BRCA1: variants seen among roughly 807,000 people sequenced by gnomAD.
The protein encoded by BRCA1 is BRCA1 DNA repair associated.
In BRCA1, 140 loss-of-function variants were observed where a neutral mutation model predicts 173.7. The observed-to-expected ratio is 0.81, with a 90% CI of 0.70 to 0.93. BRCA1 has a LOEUF of 0.93. BRCA1 is among the 40% of genes least tolerant of loss of function. The pLI is 0.00. For missense variants in BRCA1, 1,983 were observed against 2,172.5 expected (o/e 0.91, Z 1.73); for synonymous variants, 662 against 756.0 (o/e 0.88, Z 2.04).
chr17:43,076,182 A>G (rs1371643514), intron 13 of BRCA1, among the ~76,000 whole-genome samples: 7 of 152,116 alleles, frequency 4.6e-5, no homozygotes. Context: ...AATTAGGGCA[A>G]GGGCTGCCTT....
At position 43,124,086 on chromosome 17, in the gene BRCA1, G is replaced by A. The variant is rs786203152; in HGVS notation, c.11C>T (p.Ser4Phe). Residue 4 changes from serine (S) to phenylalanine (F), a missense_variant, in exon 2 of 23, where the codon TCT (serine) becomes TTT (phenylalanine). Coordinates refer to ENST00000357654, the MANE Select transcript of BRCA1 (RefSeq NM_007294.4). ...TTGTACTTCTTCAACGCGAAGAGCAGATAAATCCATTTCTTTCTGTTCCAA... is the reference window on the plus strand; with the variant it reads ...TTGTACTTCTTCAACGCGAAGAGCAAATAAATCCATTTCTTTCTGTTCCAA... MDL[S>F]ALRVEEVQNV... The A allele has an allele frequency of 1.2e-6, 2 of 1,613,058 alleles. No homozygotes were observed. Among genetic ancestry groups the A allele is most frequent in the Non-Finnish European group, 1.7e-6 (2 of 1,179,114 alleles).
rs370673239 is a variant in BRCA1, at chr17:43,085,778, G to A, written c.4186-3203C>T. Among the ~76,000 whole-genome samples the A allele has an allele frequency of 5.3e-5, 8 of 152,116 alleles. No homozygotes were observed. The highest frequency in any genetic ancestry group is 3.8e-4 in the East Asian group (2 of 5,200). On this transcript the variant is annotated intron_variant, in intron 11 of 22. Coordinates refer to ENST00000357654, the MANE Select transcript of BRCA1 (RefSeq NM_007294.4). ...TCCTGAAATGTGCAGCAGAGCAGCC[G>A]GAACTGGTCTGGAGGGAAGCAGAGT...
At chr17:43,074,239 G>A (rs1250437520) in intron 14 of BRCA1, 92 bp downstream of exon 14, 13 of 1,321,182 alleles carry the variant, frequency 9.8e-6, no homozygotes, top group Non-Finnish European at 1.4e-5. Context: ...TGATAGACTA[G>A]TACATCTAAA....
At chr17:43,164,191 C>T (rs537403588) in intron 1 of BRCA1, 5 of 152,280 alleles carry the variant, frequency 3.3e-5, no homozygotes, top group African/African-American at 9.6e-5. Context: ...TCTAGTAAAA[C>T]GAATGTATGG....
intron 1 of BRCA1, among the ~76,000 whole-genome samples, chr17:43,136,716 A>C (rs971422361): frequency 1.3e-5 from 2 of 152,226 alleles, no homozygotes; most frequent in Non-Finnish European, 2.9e-5. Context: ...AGAGACATGC[A>C]AATCAAAACC....
chr17:43,128,023 CAAAAAAAAAAAAAAA>C (rs61243891), upstream of BRCA1, among the ~76,000 whole-genome samples: 1 of 24,988 alleles, frequency 4.0e-5, no homozygotes. Flanking sequence ...GACTCCATCT[CAAAAAAAAAAAAAAA>C]AAAAAAAAAA....
At position 43,093,638 on chromosome 17, in the gene BRCA1, T is replaced by TA. The variant is rs80357932; in HGVS notation, c.1892dup (p.Ser632LysfsTer4). On this transcript the variant is annotated frameshift_variant, in exon 10 of 23. Coordinates refer to ENST00000357654, the MANE Select transcript of BRCA1 (RefSeq NM_007294.4). LOFTEE classifies it high-confidence loss of function. ...GCAATTCAGTACAATTAGGTGGGCT[T>TA]AGATTTCTACTGACTACTAGTTCAA... 2 of 1,614,132 alleles carry TA rather than the reference T, an allele frequency of 1.2e-6. No homozygotes were observed. The highest frequency in any genetic ancestry group is 1.7e-6 in the Non-Finnish European group (2 of 1,180,010).
At chr17:43,046,658 G>T (rs9896925) in intron 22 of BRCA1, among the ~76,000 whole-genome samples, 2 of 151,696 alleles carry the variant, frequency 1.3e-5, no homozygotes, top group Admixed American at 1.3e-4. Flanking sequence ...CTGAGGCTGA[G>T]GCAGGAGAAT....
intron 1 of BRCA1, among the ~76,000 whole-genome samples, chr17:43,164,989 T>G (rs34460901): frequency 0.014 from 2,172 of 152,324 alleles, 31 homozygotes; most frequent in South Asian, 0.026. Flanking sequence ...GCACCTATTT[T>G]TATTAGTTTT....
At chr17:43,078,556 ATTCAT>A (rs1383128403) in intron 12 of BRCA1, among the ~76,000 whole-genome samples, 3 of 152,246 alleles carry the variant, frequency 2.0e-5, no homozygotes, top group Non-Finnish European at 4.4e-5. Flanking sequence ...GATGACTGTA[ATTCAT>A]TTTGAGCTTT....
At chr17:43,100,679 ATATATAT>A in intron 6 of BRCA1, among the ~76,000 whole-genome samples, 1 of 8,428 alleles carries the variant, frequency 1.2e-4, no homozygotes, top group African/African-American at 6.9e-4. Context: ...TATATATATA[ATATATAT>A]ATATATATAT....
intron 19 of BRCA1, among the ~76,000 whole-genome samples, chr17:43,056,521 G>A (rs554370716): frequency 2.0e-5 from 3 of 152,196 alleles, no homozygotes; most frequent in East Asian, 1.9e-4. Flanking sequence ...GGCTGGGCAC[G>A]GTGGCTCACG....
intron 3 of BRCA1, 41 bp downstream of exon 3, chr17:43,115,684 AC>A: frequency 6.3e-7 from 1 of 1,593,740 alleles, no homozygotes; most frequent in Non-Finnish European, 8.6e-7. Flanking sequence ...AAGGACAAAA[AC>A]AAAAGCTAAT....
chr17:43,074,553 G>T lies in BRCA1; in HGVS notation c.4485-32C>A, dbSNP rs775850331. On this transcript the variant is annotated intron_variant, in intron 13 of 22. Transcript: ENST00000357654. ...AGATAAATGGAAGGAGAAAACCATC[G>T]CCACCAATTGTGAAAGGACAAATCA... 1.9e-6 allele frequency: 3 copies of T among 1,574,992 alleles called. No homozygotes were observed. The South Asian group carries it at 3.3e-5, about 18-fold the overall frequency.
chr17:43,148,306 C>G (rs952265728), intron 1 of BRCA1: 1 of 169,192 alleles, frequency 5.9e-6, no homozygotes, highest in Admixed American at 6.5e-5. Context: ...AAAAAAATCA[C>G]CAGACTAATA....
intron 1 of BRCA1, among the ~76,000 whole-genome samples, chr17:43,152,506 G>A (rs1260487123): frequency 6.6e-6 from 1 of 152,108 alleles, no homozygotes; most frequent in Non-Finnish European, 1.5e-5. Flanking sequence ...GGATCACGAG[G>A]TCAGGAGTTG....
intron 1 of BRCA1, among the ~76,000 whole-genome samples, chr17:43,169,183 CTTTG>C (rs904469839): frequency 3.9e-5 from 6 of 152,052 alleles, no homozygotes; most frequent in African/African-American, 1.2e-4. Context: ...GTGTTTATTT[CTTTG>C]TTTGTTTTTG....
intron 2 of BRCA1, chr17:43,119,323 C>A (rs2055441403): frequency 4.5e-6 from 1 of 220,450 alleles, no homozygotes; most frequent in Non-Finnish European, 9.1e-6. Context: ...TGGACAGTAA[C>A]CTTATTGTGA....
intron 1 of BRCA1, chr17:43,139,807 C>G: frequency 2.2e-6 from 1 of 457,674 alleles, no homozygotes. Flanking sequence ...TTTTCTGTTC[C>G]TTTCTTAGTT....
Sources: allele counts gnomAD v4.1 joint callset (sites outside exome capture counted in the v4.1 genomes callset), GRCh38; gene constraint gnomAD v4.1.1; transcripts MANE v1.5; gene names NCBI Gene and HGNC (gene_info 2026-07-23, HGNC 2026-07-21).